The following LYZL1 variants were observed in gnomAD, a reference collection of about 807,000 sequenced individuals.
LYZL1 encodes lysozyme like 1, also known as lysozyme-like protein 1.
A neutral mutation model predicts 17.9 loss-of-function variants in LYZL1; 16 were observed. The observed-to-expected ratio is 0.90, with a 90% CI of 0.61 to 1.36. LYZL1 has a LOEUF of 1.36. LYZL1 is among the 40% of genes most tolerant of loss of function. The pLI is 0.00. For missense variants in LYZL1, 149 were observed against 188.4 expected (o/e 0.79, Z 1.22); for synonymous variants, 58 against 71.8 (o/e 0.81, Z 0.97).
At chr10:29,312,103 A>T (rs1352916594), downstream of LYZL1, among the ~76,000 whole-genome samples, 1 of 152,186 alleles carries the variant, frequency 6.6e-6, no homozygotes, top group African/African-American at 2.4e-5. Flanking sequence ...AGTTCAAGGC[A>T]AGTCTGGGCA....
chr10:29,291,156 A>G (rs1006915929), intron 1 of LYZL1, among the ~76,000 whole-genome samples: 2 of 152,240 alleles, frequency 1.3e-5, no homozygotes, highest in African/African-American at 4.8e-5. Flanking sequence ...CCTACTGCTG[A>G]CTGGAAGCCT....
In LYZL1 at chr10:29,311,223, G is replaced by A; in HGVS notation, c.*164G>A. On this transcript the variant is annotated 3_prime_UTR_variant, in exon 5 of 5. Coordinates refer to ENST00000649382, the MANE Select transcript of LYZL1 (RefSeq NM_032517.6). ...AGAAAATAAATATTTCCATTTAAAT[G>A]TCTTCACCCCGTCTCAGTTCCAATG... The A allele has an allele frequency of 6.5e-7, 1 of 1,534,918 alleles. No individual in the cohort carries two copies. Among genetic ancestry groups the A allele is most frequent in the Non-Finnish European group, 8.7e-7 (1 of 1,144,662 alleles).
chr10:29,314,220 G>A (rs551797146), downstream of LYZL1, among the ~76,000 whole-genome samples: 2 of 152,298 alleles, frequency 1.3e-5, no homozygotes, highest in South Asian at 4.1e-4. Flanking sequence ...CACATGGCTG[G>A]TGTGTGCTGT....
At chr10:29,301,970 G>A (rs1042883532) in intron 3 of LYZL1, among the ~76,000 whole-genome samples, 2 of 151,346 alleles carry the variant, frequency 1.3e-5, no homozygotes, top group Non-Finnish European at 2.9e-5. Flanking sequence ...TTCAGATACC[G>A]TATTTTTTAT....
chr10:29,306,267 T>TAAAGTTTTAA (rs1564392916), intron 3 of LYZL1, among the ~76,000 whole-genome samples: 1 of 151,338 alleles, frequency 6.6e-6, no homozygotes, highest in African/African-American at 2.4e-5. Flanking sequence ...AATAAGGAAC[T>TAAAGTTTTAA]TGGCCGGGCG....
Position 29,306,549 on chromosome 10 carries a change from C to CAA in LYZL1, c.299-3536_299-3535dup, listed in dbSNP as rs58001118. ...TGGGCGACAGAGCGAGACTCCGTCT[C>CAA]AAAAAAAAAAAAAAAAAAAAAAAAA... On this transcript the variant is annotated intron_variant, in intron 3 of 4. Transcript: ENST00000649382. Among the ~76,000 whole-genome samples, 167 of 48,792 alleles carry CAA rather than the reference C, an allele frequency of 3.4e-3. 11 individuals carry two copies. Among genetic ancestry groups the CAA allele is most frequent in the Middle Eastern group, 0.019 (1 of 52 alleles). The allele number at this position is 48,792 out of a possible 152,430, so 32.0% of individuals were successfully genotyped here.
At chr10:29,299,970 T>C (rs1375942679) in intron 3 of LYZL1, among the ~76,000 whole-genome samples, 1 of 152,162 alleles carries the variant, frequency 6.6e-6, no homozygotes, top group East Asian at 1.9e-4. Flanking sequence ...GCTTTTCAGG[T>C]CATATGGTTT....
chr10:29,305,413 C>G (rs566180657), intron 3 of LYZL1, among the ~76,000 whole-genome samples: 1 of 152,168 alleles, frequency 6.6e-6, no homozygotes, highest in African/African-American at 2.4e-5. Context: ...ATTTAAGCCC[C>G]CTATCAGAAT....
intron 3 of LYZL1, among the ~76,000 whole-genome samples, chr10:29,303,733 A>G (rs1359497068): frequency 6.6e-6 from 1 of 152,110 alleles, no homozygotes; most frequent in Non-Finnish European, 1.5e-5. Context: ...ATAACTAACC[A>G]CCCTCCATGA....
At chr10:29,295,131 C>G (rs1835430996) in intron 3 of LYZL1, among the ~76,000 whole-genome samples, 1 of 152,134 alleles carries the variant, frequency 6.6e-6, no homozygotes, top group South Asian at 2.1e-4. Flanking sequence ...AGTATATTGT[C>G]CCTACCCTAA....
downstream of LYZL1, among the ~76,000 whole-genome samples, chr10:29,316,216 G>A (rs910526229): frequency 6.6e-6 from 1 of 152,186 alleles, no homozygotes; most frequent in Non-Finnish European, 1.5e-5. Context: ...ACTCTGCCTT[G>A]AGCAGGTAAT....
chr10:29,311,341 G>A, downstream of LYZL1: 1 of 938,226 alleles, frequency 1.1e-6, no homozygotes, highest in Non-Finnish European at 1.4e-6. Context: ...ATTGTAGGGA[G>A]TCCTGGTTTC....
rs1256589690 is a variant in LYZL1, at chr10:29,292,526, C to T, written c.147C>T (p.Cys49=). The T allele has an allele frequency of 3.1e-6, 5 of 1,614,052 alleles. No homozygotes were observed. Among genetic ancestry groups the T allele is most frequent in the Non-Finnish European group, 4.2e-6 (5 of 1,179,972 alleles). ...YWGFSLGNWI[C]MAYYESGYNT... ...TGGCTTTCCCCCCTCCAGGGATCTG[C>T]ATGGCATATTATGAGAGCGGCTACA... Residue 49 remains cysteine (C), a synonymous_variant, in exon 3 of 5, where the codon TGC becomes TGT. Coordinates refer to ENST00000649382, the MANE Select transcript of LYZL1 (RefSeq NM_032517.6).
intron 3 of LYZL1, among the ~76,000 whole-genome samples, chr10:29,303,652 C>A (rs183884570): frequency 5.1e-4 from 77 of 152,312 alleles, no homozygotes; most frequent in African/African-American, 1.8e-3. Flanking sequence ...ACACTCATAT[C>A]TGTTTTCTTA....
chr10:29,309,991 T>C (rs1835647680), intron 3 of LYZL1, 119 bp from the exon 4 acceptor site: 1 of 674,072 alleles, frequency 1.5e-6, no homozygotes, highest in Non-Finnish European at 2.5e-6. Flanking sequence ...GCAGGCAAAA[T>C]CATAGTTCTT....
chr10:29,309,328 CACAAAAACAAAA>C lies in LYZL1; in HGVS notation c.299-763_299-752del, dbSNP rs879487469. Among the ~76,000 whole-genome samples, 47 of 151,912 alleles carry C rather than the reference CACAAAAACAAAA, an allele frequency of 3.1e-4. 1 individual carries two copies. The East Asian group carries it at 3.5e-3, about 11-fold the overall frequency. On this transcript the variant is annotated intron_variant, in intron 3 of 4. Coordinates refer to ENST00000649382, the MANE Select transcript of LYZL1 (RefSeq NM_032517.6). ...TGGGTGACAGAATGAGATTCTGTCT[CACAAAAACAAAA>C]ACAAAAACAAAAACAAAACAAAACA...
At chr10:29,303,117 T>C (rs1465382222) in intron 3 of LYZL1, among the ~76,000 whole-genome samples, 1 of 152,184 alleles carries the variant, frequency 6.6e-6, no homozygotes, top group Non-Finnish European at 1.5e-5. Context: ...TGCCTAGCCC[T>C]GTGGAAATTT....
intron 3 of LYZL1, among the ~76,000 whole-genome samples, chr10:29,293,235 T>A (rs1327565): frequency 6.7e-6 from 1 of 149,452 alleles, no homozygotes; most frequent in African/African-American, 2.5e-5. Context: ...AGGCCCCAAG[T>A]GATCCTCCCT....
At chr10:29,295,070 C>T (rs1429691982) in intron 3 of LYZL1, among the ~76,000 whole-genome samples, 1 of 152,146 alleles carries the variant, frequency 6.6e-6, no homozygotes, top group African/African-American at 2.4e-5. Flanking sequence ...ACAAGATAAT[C>T]AGTATATGGG....
Sources: gnomAD v4.1 joint callset for allele counts (sites outside exome capture counted in the v4.1 genomes callset) on GRCh38, gnomAD v4.1.1 for gene constraint, MANE v1.5 for transcripts, NCBI Gene and HGNC (gene_info 2026-07-23, HGNC 2026-07-21) for gene names.